The following NIPBL variants were observed in gnomAD, a reference collection of about 807,000 sequenced individuals.
The protein encoded by NIPBL is nipped-B-like protein.
A neutral mutation model predicts 321.8 loss-of-function variants in NIPBL; 19 were observed. The ratio of observed to expected loss-of-function variants is 0.06; its 90% confidence interval spans 0.04 to 0.09. The LOEUF (loss-of-function observed/expected upper bound fraction) is 0.09, where lower values mean the gene tolerates loss of function less well. Ranked by LOEUF, NIPBL falls within the 10% of genes least tolerant of loss-of-function variation. The pLI, the probability that NIPBL is intolerant of heterozygous loss-of-function variation, is 1.00. For synonymous variants in NIPBL, 1,106 were observed against 1,114.1 expected (o/e 0.99, Z 0.14); for missense variants, 2,210 against 3,327.0 (o/e 0.66, Z 8.26).
At chr5:36,890,111 T>G (rs1746206538) in intron 1 of NIPBL, among the ~76,000 whole-genome samples, 2 of 152,194 alleles carry the variant, frequency 1.3e-5, no homozygotes, top group African/African-American at 4.8e-5. Context: ...TTCTATATAA[T>G]GTTCATAATT....
At chr5:36,878,972 G>T (rs1745304288) in intron 1 of NIPBL, among the ~76,000 whole-genome samples, 1 of 145,394 alleles carries the variant, frequency 6.9e-6, no homozygotes, top group Non-Finnish European at 1.5e-5. Flanking sequence ...CCTACTGCGG[G>T]TGGGGGGGTG....
At chr5:36,992,710 TTTTATTTATTTA>T (rs70976270) in intron 10 of NIPBL, among the ~76,000 whole-genome samples, 2,941 of 137,690 alleles carry the variant, frequency 0.021, 78 homozygotes, top group African/African-American at 0.065. Flanking sequence ...AAGTCATGCA[TTTTATTTATTTA>T]TTTATTTATT....
At chr5:36,986,455 A>G (rs574574032) in intron 10 of NIPBL, among the ~76,000 whole-genome samples, 154 bp downstream of exon 10, 185 of 152,340 alleles carry the variant, frequency 1.2e-3, no homozygotes, top group Non-Finnish European at 2.1e-3. Context: ...TCAGGAGTAT[A>G]GATAAAAAGT....
Position 37,020,440 on chromosome 5 carries a change from C to G in NIPBL, c.5011-19C>G, listed in dbSNP as rs572959962. On this transcript the variant is annotated intron_variant, in intron 25 of 46. Coordinates refer to ENST00000282516, the MANE Select transcript of NIPBL (RefSeq NM_133433.4). Reference sequence around the variant, plus strand: ...GTTGCTAATTTCATCAAGCTCAAGTCTGTCTAATTTCTTTCCAGTTTTCTC... The same window carrying G: ...GTTGCTAATTTCATCAAGCTCAAGTGTGTCTAATTTCTTTCCAGTTTTCTC... The G allele has an allele frequency of 6.5e-6, 10 of 1,528,262 alleles. No individual in the cohort carries two copies. The South Asian group carries it at 9.0e-5, about 14-fold the overall frequency. 94.7% of individuals were successfully genotyped at this position (1,528,262 alleles called of 1,614,324 possible).
At chr5:36,939,745 T>C (rs1738855407) in intron 1 of NIPBL, among the ~76,000 whole-genome samples, 1 of 152,080 alleles carries the variant, frequency 6.6e-6, no homozygotes, top group African/African-American at 2.4e-5. Flanking sequence ...TCATGGAAAG[T>C]GGAGGAGCAA....
rs751048321 is a variant in NIPBL at position 36,985,403 on chromosome 5, G to C, written c.2223G>C (p.Glu741Asp). ...CTGAAACTCCAAAGCAAAAAGGTGAGAGCCGCCCTGAAACTCCAAAGCAAA... is the reference window on the plus strand; with the variant it reads ...CTGAAACTCCAAAGCAAAAAGGTGACAGCCGCCCTGAAACTCCAAAGCAAA... ...GRPETPKQKG[E>D]SRPETPKQKN... Residue 741 changes from glutamate (E) to aspartate (D), a missense_variant, in exon 10 of 47, where the codon GAG becomes GAC. Coordinates refer to ENST00000282516, the MANE Select transcript of NIPBL (RefSeq NM_133433.4). The C allele has an allele frequency of 3.1e-6, 5 of 1,613,490 alleles. No individual in the cohort carries two copies. The highest frequency in any genetic ancestry group is 4.2e-6 in the Non-Finnish European group (5 of 1,179,918).
chr5:36,922,357 G>A (rs1749013761), intron 1 of NIPBL, among the ~76,000 whole-genome samples: 1 of 151,828 alleles, frequency 6.6e-6, no homozygotes, highest in Non-Finnish European at 1.5e-5. Context: ...TTTTCAATAA[G>A]AAAAATCATG....
In NIPBL at chr5:37,064,507, C is replaced by T. The variant is rs1303061651; in HGVS notation, c.8050-20C>T. ...TTTTGTGTAACACTTGGTCTTTTTT[C>T]CCCCCTCCCAATGTTTTAGTCATTG... On this transcript the variant is annotated intron_variant, in intron 46 of 46. Transcript: ENST00000282516. 2 of 1,609,008 alleles carry T rather than the reference C, an allele frequency of 1.2e-6. No homozygotes were observed. Among genetic ancestry groups the T allele is most frequent in the Admixed American group, 1.7e-5 (1 of 59,922 alleles).
Position 36,877,056 on chromosome 5 carries a change from A to G in NIPBL, c.-202A>G, listed in dbSNP as rs1017756540. ...TCTCGGCTGGTCTCCCCCCGGCTCT[A>G]CATGTTCCCCGCACTGAGGAGACGG... On this transcript the variant is annotated 5_prime_UTR_variant, in exon 1 of 47. Coordinates refer to ENST00000282516, the MANE Select transcript of NIPBL (RefSeq NM_133433.4). 2.9e-6 allele frequency: 1 copy of G among 339,406 alleles called. No individual in the cohort carries two copies. Among genetic ancestry groups the G allele is most frequent in the Non-Finnish European group, 5.3e-6 (1 of 189,012 alleles). The allele number at this position is 339,406 out of a possible 1,614,324, so 21.0% of individuals were successfully genotyped here.
intron 8 of NIPBL, among the ~76,000 whole-genome samples, chr5:36,975,045 A>G (rs981586336): frequency 1.3e-5 from 2 of 152,014 alleles, no homozygotes; most frequent in African/African-American, 4.8e-5. Flanking sequence ...TTCCTGTTTC[A>G]TATAACATTG....
intron 21 of NIPBL, among the ~76,000 whole-genome samples, chr5:37,012,578 C>T (rs1348572089): frequency 6.6e-6 from 1 of 150,708 alleles, no homozygotes; most frequent in Non-Finnish European, 1.5e-5. Flanking sequence ...ACAAAGGTCT[C>T]TGGTTTTCCT....
intron 9 of NIPBL, among the ~76,000 whole-genome samples, chr5:36,979,420 G>A (rs1338479054): frequency 6.6e-6 from 1 of 151,890 alleles, no homozygotes; most frequent in East Asian, 1.9e-4. Context: ...ACATGCTACT[G>A]ATTTTGGTAC....
intron 9 of NIPBL, among the ~76,000 whole-genome samples, chr5:36,979,734 C>G (rs1743922648): frequency 6.6e-6 from 1 of 151,658 alleles, no homozygotes; most frequent in Admixed American, 6.6e-5. Context: ...AATTATATCT[C>G]TTCCTCTAAC....
chr5:36,894,891 A>G (rs1274255413), intron 1 of NIPBL, among the ~76,000 whole-genome samples: 3 of 152,160 alleles, frequency 2.0e-5, no homozygotes, highest in African/African-American at 7.2e-5. Context: ...TAGAGGACAC[A>G]GTCTGCCTGT....
chr5:36,991,800 T>C (rs747404668), intron 10 of NIPBL, among the ~76,000 whole-genome samples: 8 of 151,676 alleles, frequency 5.3e-5, no homozygotes, highest in Non-Finnish European at 1.0e-4. Flanking sequence ...TGTGAGGCTC[T>C]TAGTTTTGTT....
intron 32 of NIPBL, among the ~76,000 whole-genome samples, chr5:37,033,850 G>A (rs935947026): frequency 1.3e-5 from 2 of 148,638 alleles, no homozygotes; most frequent in Non-Finnish European, 3.0e-5. Context: ...CTACAAGCAT[G>A]CACCACCATG....
chr5:36,968,360 C>T (rs1029313037), intron 6 of NIPBL, among the ~76,000 whole-genome samples: 17 of 151,946 alleles, frequency 1.1e-4, no homozygotes, highest in Non-Finnish European at 5.9e-5. Flanking sequence ...ACGAGGTCAG[C>T]AGATTGAGAC....
chr5:37,041,359 C>T (rs1372170622), intron 34 of NIPBL, among the ~76,000 whole-genome samples: 1 of 142,334 alleles, frequency 7.0e-6, no homozygotes, highest in Non-Finnish European at 1.5e-5. Flanking sequence ...TGCCTCCTGG[C>T]TTCAAGCGAT....
intron 32 of NIPBL, among the ~76,000 whole-genome samples, chr5:37,034,370 AC>A (rs1751457637): frequency 1.3e-5 from 2 of 152,184 alleles, no homozygotes; most frequent in African/African-American, 4.8e-5. Context: ...GTATCCAATG[AC>A]CCAGCAATTC....
Sources: gnomAD v4.1 joint callset for allele counts (sites outside exome capture counted in the v4.1 genomes callset) on GRCh38, gnomAD v4.1.1 for gene constraint, MANE v1.5 for transcripts, NCBI Gene and HGNC (gene_info 2026-07-23, HGNC 2026-07-21) for gene names.